Variants in FRMD4B observed in about 807,000 individuals in gnomAD.
The protein encoded by FRMD4B is FERM domain-containing protein 4B.
Under a neutral mutation model 141.5 loss-of-function variants are expected in FRMD4B, and 74 were observed. The observed-to-expected ratio is 0.52, with a 90% CI of 0.43 to 0.63. The LOEUF (loss-of-function observed/expected upper bound fraction) is 0.63. Ranked by LOEUF, FRMD4B falls within the 30% of genes least tolerant of loss-of-function variation. The pLI is 0.00. For synonymous variants in FRMD4B, 506 were observed against 467.9 expected, an observed-to-expected ratio of 1.08 and a Z score of -1.05; for missense variants, 1,366 against 1,253.4, an observed-to-expected ratio of 1.09 and a Z score of -1.36.
rs185547270 is a variant in FRMD4B at position 69,408,142 on chromosome 3, G to A, written c.-1+24492C>T. On this transcript the variant is annotated intron_variant, in intron 2 of 5. Coordinates refer to the FRMD4B transcript ENST00000459638. ...ACAGGCCATGGCCAACCCCAATCTA[G>A]ATCGTGAGAGAGATGGGTAGGAATT... 3.6e-3 allele frequency among the ~76,000 whole-genome samples: 549 copies of A among 152,304 alleles called. 5 individuals are homozygous for A. The highest frequency in any genetic ancestry group is 7.0e-3 in the Admixed American group (107 of 15,298).
rs141066920 is a variant in FRMD4B, at chr3:69,172,874, AT to A, written c.2985-894del. 1.9e-3 allele frequency among the ~76,000 whole-genome samples: 288 copies of A among 150,780 alleles called. 2 individuals are homozygous for A. Among genetic ancestry groups the A allele is most frequent in the African/African-American group, 6.1e-3 (251 of 41,178 alleles). On this transcript the variant is annotated intron_variant, in intron 22 of 22. Transcript: ENST00000398540. ...ATTCCAAAGTATTTTAGTAAAGGTG[AT>A]TTTTTTTTTAAAGTCTTTGGAAGAA...
rs2092817551 is a variant in FRMD4B, at chr3:69,189,889, C to A, written c.1771+7G>T. On this transcript the variant is annotated splice_region_variant and intron_variant, in intron 18 of 22. Coordinates refer to ENST00000398540, the MANE Select transcript of FRMD4B (RefSeq NM_015123.3). The stretch of plus-strand genomic sequence containing the variant: ...ATTTTTAAACCAAAAAAGGAAGAGC[C>A]ACTTACGATCATCATAGGTGGTGGT... 6.4e-7 allele frequency: 1 copy of A among 1,554,800 alleles called. No individual in the cohort carries two copies. The highest frequency in any genetic ancestry group is 1.4e-5 in the African/African-American group (1 of 73,676).
intron 4 of FRMD4B, among the ~76,000 whole-genome samples, chr3:69,291,318 A>G (rs902694882): frequency 6.6e-6 from 1 of 152,224 alleles, no homozygotes; most frequent in Non-Finnish European, 1.5e-5. Flanking sequence ...GAATTTTCAC[A>G]CACAACAAAG....
chr3:69,387,364 G>T (rs957622799), upstream of FRMD4B, among the ~76,000 whole-genome samples: 1 of 152,116 alleles, frequency 6.6e-6, no homozygotes, highest in African/African-American at 2.4e-5. Flanking sequence ...CAATCTTCCA[G>T]CCTCAGCCTC....
chr3:69,411,176 T>C (rs1704754381), intron 2 of FRMD4B, among the ~76,000 whole-genome samples: 1 of 152,184 alleles, frequency 6.6e-6, no homozygotes, highest in African/African-American at 2.4e-5. Flanking sequence ...GATTTGTACC[T>C]GAACTATCCT....
rs1364374831 is a variant in FRMD4B, at chr3:69,520,011, T to TG, written c.-129+22194_-129+22195insC. The stretch of plus-strand genomic sequence containing the variant: ...GAGTAGTATTCCATATATATATATA[T>TG]ATATATATATATATTCCATCATATA... On this transcript the variant is annotated intron_variant, in intron 1 of 5. Transcript: ENST00000459638. 1.4e-4 allele frequency among the ~76,000 whole-genome samples: 18 copies of TG among 129,762 alleles called. 1 individual carries two copies. The highest frequency in any genetic ancestry group is 5.5e-4 in the African/African-American group (16 of 29,112). 85.1% of individuals were successfully genotyped at this position (129,762 alleles called of 152,430 possible). A position where few individuals can be genotyped will look rare whatever the true frequency, so the allele number is the denominator to read the frequency against.
chr3:69,174,595 G>T (rs546608741), intron 22 of FRMD4B, among the ~76,000 whole-genome samples: 1 of 152,072 alleles, frequency 6.6e-6, no homozygotes, highest in Non-Finnish European at 1.5e-5. Context: ...TCTTTAAATA[G>T]CTTCTAATTT....
At chr3:69,470,130 T>C (rs1157690501) in intron 1 of FRMD4B, among the ~76,000 whole-genome samples, 1 of 152,204 alleles carries the variant, frequency 6.6e-6, no homozygotes. Context: ...AGTTTATTAT[T>C]TATGGTGGTA....
intron 11 of FRMD4B, among the ~76,000 whole-genome samples, chr3:69,213,761 C>G (rs1271333417): frequency 1.3e-5 from 2 of 151,466 alleles, no homozygotes. Flanking sequence ...CTCCCAGGCT[C>G]AAGTGATCCT....
intron 1 of FRMD4B, among the ~76,000 whole-genome samples, chr3:69,454,335 C>T (rs928282210): frequency 2.0e-5 from 3 of 152,238 alleles, no homozygotes; most frequent in South Asian, 2.1e-4. Context: ...CCACTCTGGC[C>T]GCACTTGAGG....
At chr3:69,329,260 T>C (rs1023533198) in intron 1 of FRMD4B, among the ~76,000 whole-genome samples, 10 of 152,146 alleles carry the variant, frequency 6.6e-5, no homozygotes, top group African/African-American at 2.4e-4. Flanking sequence ...ATCTCTAAAA[T>C]AGATTTACTA....
At chr3:69,427,951 G>A (rs115316674) in intron 2 of FRMD4B, among the ~76,000 whole-genome samples, 1 of 151,982 alleles carries the variant, frequency 6.6e-6, no homozygotes, top group African/African-American at 2.4e-5. Context: ...GAGCCACCAC[G>A]CCCAGCCAAG....
intron 7 of FRMD4B, among the ~76,000 whole-genome samples, chr3:69,227,868 G>A (rs902575961): frequency 1.3e-5 from 2 of 151,686 alleles, no homozygotes; most frequent in Admixed American, 6.6e-5. Context: ...TGCAACAAAT[G>A]TACCACACTA....
At chr3:69,261,783 C>T (rs930488501) in intron 5 of FRMD4B, among the ~76,000 whole-genome samples, 28 of 151,852 alleles carry the variant, frequency 1.8e-4, no homozygotes, top group African/African-American at 6.5e-4. Flanking sequence ...AGCAATTCTC[C>T]TGCCTCAGCC....
chr3:69,249,260 A>G lies in FRMD4B; in HGVS notation c.559-12T>C. Reference sequence around the variant, plus strand: ...TCTCCCTTGGCTTCCTAAAAACAACAAACAAAAACAGAGTTGATCAATATG... The same window carrying G: ...TCTCCCTTGGCTTCCTAAAAACAACGAACAAAAACAGAGTTGATCAATATG... On this transcript the variant is annotated splice_polypyrimidine_tract_variant and intron_variant, in intron 6 of 22. Coordinates refer to ENST00000398540, the MANE Select transcript of FRMD4B (RefSeq NM_015123.3). The G allele has an allele frequency of 1.9e-6, 3 of 1,561,902 alleles. No homozygotes were observed. Among genetic ancestry groups the G allele is most frequent in the Non-Finnish European group, 2.6e-6 (3 of 1,137,596 alleles).
chr3:69,429,296 T>C (rs1705138050), intron 2 of FRMD4B, among the ~76,000 whole-genome samples: 1 of 152,222 alleles, frequency 6.6e-6, no homozygotes, highest in South Asian at 2.1e-4. Flanking sequence ...ACCTGGTCAA[T>C]AAGAATGTGC....
In FRMD4B at chr3:69,291,910, C is replaced by CTT. The variant is rs35703345; in HGVS notation, c.417-4076_417-4075dup. 6.6e-3 allele frequency among the ~76,000 whole-genome samples: 696 copies of CTT among 105,430 alleles called. 8 individuals carry two copies. The highest frequency in any genetic ancestry group is 0.022 in the African/African-American group (624 of 28,134). 69.2% of individuals were successfully genotyped at this position (105,430 alleles called of 152,430 possible). ...AATACAAAGTGCTCTACAGGAATCT[C>CTT]TTTTTTTTTTTTTTTTTTTTTTTCC... On this transcript the variant is annotated intron_variant, in intron 4 of 22. Transcript: ENST00000398540.
chr3:69,218,415 A>C, intron 9 of FRMD4B, 36 bp from the exon 10 acceptor site: 1 of 986,530 alleles, frequency 1.0e-6, no homozygotes, highest in Non-Finnish European at 1.6e-6. Context: ...ATCTTATTAA[A>C]ATAGTTAGAG....
chr3:69,213,256 T>C (rs1371423889), intron 11 of FRMD4B, among the ~76,000 whole-genome samples: 1 of 152,024 alleles, frequency 6.6e-6, no homozygotes, highest in Non-Finnish European at 1.5e-5. Flanking sequence ...CAGTTGCTGG[T>C]TGTCATGGAG....
Sources: allele counts gnomAD v4.1 joint callset (sites outside exome capture counted in the v4.1 genomes callset), GRCh38; gene constraint gnomAD v4.1.1; transcripts MANE v1.5; gene names NCBI Gene and HGNC (gene_info 2026-07-23, HGNC 2026-07-21).